PCGF5: variants seen among roughly 807,000 people sequenced by gnomAD.
PCGF5 encodes polycomb group ring finger 5.
In PCGF5, 9 loss-of-function variants were observed where a neutral mutation model predicts 44.3. That is an observed-to-expected ratio of 0.20 (90% CI 0.12 to 0.35). The LOEUF is 0.35. Among genes scored for constraint, PCGF5 ranks in the 10% least tolerant of loss-of-function variants. The pLI is 1.00. For synonymous variants in PCGF5, 95 were observed against 102.5 expected (o/e 0.93, Z 0.44); for missense variants, 146 against 305.3 (o/e 0.48, Z 3.89).
chr10:91,174,169 G>A (rs7904027), intron 1 of PCGF5, among the ~76,000 whole-genome samples: 54,086 of 150,110 alleles, frequency 0.36, 10,518 homozygotes, highest in East Asian at 0.52. Context: ...ATATGAAGTG[G>A]CATGAAGGAT....
chr10:91,254,050 C>T (rs1177891683), intron 6 of PCGF5, among the ~76,000 whole-genome samples: 4 of 151,990 alleles, frequency 2.6e-5, no homozygotes, highest in African/African-American at 9.7e-5. Context: ...AGTCATAACT[C>T]CTTACATTAG....
chr10:91,190,476 A>G (rs1844012228), intron 1 of PCGF5, among the ~76,000 whole-genome samples: 1 of 152,224 alleles, frequency 6.6e-6, no homozygotes, highest in Non-Finnish European at 1.5e-5. Context: ...CCCCATGTAT[A>G]AAACATGAGA....
upstream of PCGF5, among the ~76,000 whole-genome samples, chr10:91,218,346 C>T (rs1844585875): frequency 6.6e-6 from 1 of 152,034 alleles, no homozygotes; most frequent in Non-Finnish European, 1.5e-5. Context: ...GTCCTATATC[C>T]AGTTGCTTCC....
At chr10:91,194,500 A>G (rs994989866) in intron 1 of PCGF5, among the ~76,000 whole-genome samples, 7 of 152,168 alleles carry the variant, frequency 4.6e-5, no homozygotes, top group African/African-American at 1.7e-4. Flanking sequence ...AGGGAACACA[A>G]CCCTGCAAAC....
In PCGF5 at chr10:91,273,262, T is replaced by C. The variant is rs1846225781; in HGVS notation, c.723+1565T>C. Among the ~76,000 whole-genome samples the C allele has an allele frequency of 2.0e-5, 3 of 152,310 alleles. No individual in the cohort carries two copies. In the South Asian group the frequency reaches 6.2e-4, roughly 32 times the overall value. On this transcript the variant is annotated intron_variant, in intron 9 of 9. Coordinates refer to ENST00000336126, the MANE Select transcript of PCGF5 (RefSeq NM_032373.5). ...GTGTATATCCGAGGTGTATAGATGT[T>C]TCAGCTGCTTTAGCCTCATGGCTGA...
chr10:91,167,988 T>C (rs1026134285), intron 1 of PCGF5, among the ~76,000 whole-genome samples: 2 of 152,032 alleles, frequency 1.3e-5, no homozygotes, highest in Non-Finnish European at 1.5e-5. Flanking sequence ...TTGGCAAGGA[T>C]TGAAATAGGA....
intron 6 of PCGF5, among the ~76,000 whole-genome samples, chr10:91,260,763 G>A (rs1407823698): frequency 7.2e-6 from 1 of 138,358 alleles, no homozygotes; most frequent in Non-Finnish European, 1.5e-5. Flanking sequence ...TGAACAATGA[G>A]AACACATGGA....
intron 1 of PCGF5, among the ~76,000 whole-genome samples, chr10:91,190,371 TC>T (rs1487357105): frequency 2.0e-5 from 3 of 152,236 alleles, no homozygotes; most frequent in Admixed American, 2.0e-4. Flanking sequence ...TTCACATTTT[TC>T]CTTAGGAGTG....
chr10:91,204,704 CA>C (rs1405376241), intron 1 of PCGF5, among the ~76,000 whole-genome samples: 4 of 152,148 alleles, frequency 2.6e-5, no homozygotes, highest in African/African-American at 9.7e-5. Flanking sequence ...TCCCCACTGC[CA>C]ACTCATTATT....
rs1386431113 is a variant in PCGF5 at position 91,281,647 on chromosome 10, C to A, written c.*3331C>A. The A allele has an allele frequency of 2.0e-5, 3 of 152,482 alleles. No individual in the cohort carries two copies. Among genetic ancestry groups the A allele is most frequent in the African/African-American group, 7.2e-5 (3 of 41,414 alleles). 9.4% of individuals were successfully genotyped at this position (152,482 alleles called of 1,614,324 possible). The stretch of plus-strand genomic sequence containing the variant: ...AACCATGTTGGAGAGACGGTTTTAA[C>A]AGTTTGGAGGTTGGAAATTTTTAGA... On this transcript the variant is annotated 3_prime_UTR_variant, in exon 10 of 10. Coordinates refer to ENST00000336126, the MANE Select transcript of PCGF5 (RefSeq NM_032373.5).
intron 1 of PCGF5, among the ~76,000 whole-genome samples, chr10:91,177,574 G>A (rs991144846): frequency 1.5e-4 from 23 of 152,284 alleles, no homozygotes; most frequent in Middle Eastern, 3.4e-3. Flanking sequence ...CTTCCTGGCC[G>A]CTTTGTTTAC....
rs150600510 is a variant in PCGF5, at chr10:91,221,169, G to C, written c.-184+333G>C. On this transcript the variant is annotated intron_variant, in intron 1 of 9. Transcript: ENST00000336126. ...CCACAGGGCTGTACCGCTGGGTCCT[G>C]CCGGAGAACGCAGAAAAGTTCCCCC... 3.4e-3 allele frequency among the ~76,000 whole-genome samples: 512 copies of C among 152,256 alleles called. 1 individual carries two copies. The highest frequency in any genetic ancestry group is 0.011 in the African/African-American group (478 of 41,568).
chr10:91,278,947 A>C lies in PCGF5; in HGVS notation c.*631A>C, dbSNP rs1846381902. The C allele has an allele frequency of 1.3e-5, 2 of 152,736 alleles. No individual in the cohort carries two copies. Among genetic ancestry groups the C allele is most frequent in the Non-Finnish European group, 2.9e-5 (2 of 68,026 alleles). The allele number at this position is 152,736 out of a possible 1,614,324, so 9.5% of individuals were successfully genotyped here. A position where few individuals can be genotyped will look rare whatever the true frequency, so the allele number is the denominator to read the frequency against. On this transcript the variant is annotated 3_prime_UTR_variant, in exon 10 of 10. Transcript: ENST00000336126. ...TAAGCATCTGTCCGTGTAGTCTACC[A>C]ATTGCACAAGGAAGGCATGTTAGCC... is the stretch of plus-strand genomic sequence containing the variant.
chr10:91,223,658 C>G (rs1177258311), intron 2 of PCGF5, among the ~76,000 whole-genome samples: 1 of 152,132 alleles, frequency 6.6e-6, no homozygotes, highest in Non-Finnish European at 1.5e-5. Context: ...TGTGTTTCTG[C>G]CAGCATGATT....
chr10:91,160,604 A>G (rs1843364935), upstream of PCGF5, among the ~76,000 whole-genome samples: 1 of 152,108 alleles, frequency 6.6e-6, no homozygotes, highest in Admixed American at 6.6e-5. Flanking sequence ...CTGCCCAGGG[A>G]GGAGTAGGAC....
intron 1 of PCGF5, among the ~76,000 whole-genome samples, chr10:91,165,929 TGAA>T (rs1262430968): frequency 6.6e-6 from 1 of 152,230 alleles, no homozygotes; most frequent in Non-Finnish European, 1.5e-5. Context: ...AAGTTAGTGC[TGAA>T]GAAGAATGGG....
intron 6 of PCGF5, among the ~76,000 whole-genome samples, chr10:91,260,283 T>G (rs1291595848): frequency 6.6e-6 from 1 of 152,160 alleles, no homozygotes; most frequent in African/African-American, 2.4e-5. Context: ...CCAGTTAGAA[T>G]GGCCATCATT....
At chr10:91,167,715 A>T (rs1843524233) in intron 1 of PCGF5, among the ~76,000 whole-genome samples, 1 of 152,208 alleles carries the variant, frequency 6.6e-6, no homozygotes, top group Admixed American at 6.5e-5. Context: ...GGCAGTAGAT[A>T]AGTATCAGAA....
upstream of PCGF5, among the ~76,000 whole-genome samples, chr10:91,162,840 C>T (rs1332985249): frequency 6.7e-6 from 1 of 148,742 alleles, no homozygotes; most frequent in African/African-American, 2.4e-5. Context: ...GTAACTCCTC[C>T]GCCCCCTCGG....
Sources: allele counts gnomAD v4.1 joint callset (sites outside exome capture counted in the v4.1 genomes callset), GRCh38; gene constraint gnomAD v4.1.1; transcripts MANE v1.5; gene names NCBI Gene and HGNC (gene_info 2026-07-23, HGNC 2026-07-21).